APOL5: variants seen among roughly 807,000 people sequenced by gnomAD.
APOL5 encodes the protein apolipoprotein L, 5.
In APOL5, 29 loss-of-function variants were observed where a neutral mutation model predicts 35.5. The observed-to-expected ratio is 0.82, with a 90% confidence interval of 0.61 to 1.11. The LOEUF (loss-of-function observed/expected upper bound fraction) is 1.11. Ranked by LOEUF, APOL5 falls within the 50% of genes most tolerant of loss-of-function variation. The pLI is 0.00. For synonymous variants in APOL5, 188 were observed against 200.2 expected (o/e 0.94, Z 0.51); for missense variants, 514 against 530.4 (o/e 0.97, Z 0.30).
upstream of APOL5, among the ~76,000 whole-genome samples, chr22:35,714,363 T>C (rs1926678571): frequency 6.6e-6 from 1 of 152,160 alleles, no homozygotes; most frequent in Admixed American, 6.5e-5. Context: ...GCCCTGCAAC[T>C]CTTAATGGGT....
chr22:35,710,111 C>CTTTTTTTTTTTTTTTTTTTTTTTTTT, the APOL5 span, among the ~76,000 whole-genome samples: 1 of 119,202 alleles, frequency 8.4e-6, no homozygotes, highest in South Asian at 2.5e-4. Flanking sequence ...TTCTTTCTTT[C>CTTTTTTTTTTTTTTTTTTTTTTTTTT]TCTTTTTTTT....
chr22:35,727,468 C>T (rs779477342), intron 3 of APOL5, among the ~76,000 whole-genome samples: 10 of 152,218 alleles, frequency 6.6e-5, no homozygotes. Context: ...CTGTCTGCCT[C>T]TCCTGTGGTC....
intron 3 of APOL5, 37 bp from the exon 4 acceptor site, chr22:35,728,686 T>C (rs1279553797): frequency 1.3e-6 from 2 of 1,594,596 alleles, no homozygotes; most frequent in Admixed American, 3.6e-5. Flanking sequence ...GATCTCTTTC[T>C]TGGAAGTTGT....
intron 2 of APOL5, among the ~76,000 whole-genome samples, 175 bp downstream of exon 2, chr22:35,720,829 T>C (rs1926947973): frequency 6.6e-6 from 1 of 152,200 alleles, no homozygotes; most frequent in South Asian, 2.1e-4. Flanking sequence ...CACTGCAACC[T>C]CTGCCTCCCA....
upstream of APOL5, among the ~76,000 whole-genome samples, chr22:35,717,489 C>A: frequency 6.7e-6 from 1 of 150,128 alleles, no homozygotes; most frequent in African/African-American, 2.4e-5. Flanking sequence ...CCTGTAATCC[C>A]AGCATTTTGA....
At chr22:35,719,959 C>T (rs1450709759) in intron 1 of APOL5, among the ~76,000 whole-genome samples, 1 of 152,204 alleles carries the variant, frequency 6.6e-6, no homozygotes, top group East Asian at 1.9e-4. Flanking sequence ...TGGATTTGGG[C>T]CACTCAGCGG....
At position 35,726,410 on chromosome 22, in the gene APOL5, A is replaced by G. The variant is rs1927156915; in HGVS notation, c.342A>G (p.Glu114=). ...TTCCTTTGCACAAGTTTGAGCTAGA[A>G]CAGAACATCAAAGAACTTAACACCC... is the stretch of plus-strand genomic sequence containing the variant. The part of the protein sequence containing the change: ...SYFPLHKFEL[E]QNIKELNTLA... The change falls in exon 3 of 5, where the codon GAA becomes GAG. Residue 114 remains glutamate, a synonymous_variant. Coordinates refer to ENST00000249044, the MANE Select transcript of APOL5 (RefSeq NM_030642.1). 1 of 1,614,180 alleles carries G rather than the reference A, an allele frequency of 6.2e-7. No homozygotes were observed. Among genetic ancestry groups the G allele is most frequent in the Non-Finnish European group, 8.5e-7 (1 of 1,180,048 alleles).
chr22:35,717,235 A>AAAAAAAATATATATAT, upstream of APOL5, among the ~76,000 whole-genome samples: 28 of 57,658 alleles, frequency 4.9e-4, no homozygotes, highest in African/African-American at 2.1e-3. Context: ...AAAAAAAAAA[A>AAAAAAAATATATATAT]ATATATATAT....
At chr22:35,714,787 A>G (rs1331901878), upstream of APOL5, among the ~76,000 whole-genome samples, 1 of 152,164 alleles carries the variant, frequency 6.6e-6, no homozygotes, top group African/African-American at 2.4e-5. Flanking sequence ...GGCAGGAGAG[A>G]GGAGCAAGCT....
In APOL5 at chr22:35,720,594, T is replaced by A. The variant is rs1411076424; in HGVS notation, c.82T>A (p.Trp28Arg). Residue 28 changes from tryptophan (W) to arginine (R), a missense_variant, in exon 2 of 5, where the codon TGG becomes AGG. Around this residue, in one of 3 missense-constraint regions of APOL5, gnomAD observed 254 missense variants for 254.7 expected, o/e 1.00. Coordinates refer to ENST00000249044, the MANE Select transcript of APOL5 (RefSeq NM_030642.1). Reference protein sequence around the residue: ...PGLGEGCKEMWLRKVIYGGEV... With the variant: ...PGLGEGCKEMRLRKVIYGGEV... ...CTTGGGAGAAGGTTGTAAAGAAATG[T>A]GGCTTCGAAAGGTAATCTACGGAGG... The A allele has an allele frequency of 6.2e-7, 1 of 1,614,032 alleles. No homozygotes were observed. Among genetic ancestry groups the A allele is most frequent in the African/African-American group, 1.3e-5 (1 of 74,926 alleles).
At chr22:35,715,267 A>G (rs572360177), upstream of APOL5, among the ~76,000 whole-genome samples, 140 of 152,220 alleles carry the variant, frequency 9.2e-4, 2 homozygotes, top group Non-Finnish European at 1.3e-3. Flanking sequence ...CTCCTCCCCA[A>G]AATAAAGTCT....
chr22:35,728,344 C>A (rs906593775), intron 3 of APOL5, among the ~76,000 whole-genome samples: 6 of 152,194 alleles, frequency 3.9e-5, no homozygotes. Context: ...CTGCCTCAAT[C>A]CCCCGAGTAG....
At chr22:35,727,219 A>G in intron 3 of APOL5, 25 bp downstream of exon 3, 1 of 1,577,814 alleles carries the variant, frequency 6.3e-7, no homozygotes. Flanking sequence ...AATAACACGG[A>G]CGTGGTCTTG....
the APOL5 span, among the ~76,000 whole-genome samples, chr22:35,712,417 A>G: frequency 6.6e-6 from 1 of 151,966 alleles, no homozygotes; most frequent in African/African-American, 2.4e-5. Context: ...GAGTCTCACT[A>G]TTGTTGCCCA....
At position 35,729,068 on chromosome 22, in the gene APOL5, C is replaced by G. The variant is rs114129965; in HGVS notation, c.*6+164C>G. 8.2e-3 allele frequency among the ~76,000 whole-genome samples: 1,255 copies of G among 152,314 alleles called. 21 individuals are homozygous for G. Among genetic ancestry groups the G allele is most frequent in the African/African-American group, 0.029 (1,197 of 41,564 alleles). ...CCTGCCACGCCACCTGGTGCCTTTGCCAGTCAGTGAGATCACTGAGCTCTC... is the reference window on the plus strand; with the variant it reads ...CCTGCCACGCCACCTGGTGCCTTTGGCAGTCAGTGAGATCACTGAGCTCTC... On this transcript the variant is annotated intron_variant, in intron 4 of 4. Coordinates refer to ENST00000249044, the MANE Select transcript of APOL5 (RefSeq NM_030642.1).
At chr22:35,720,715 C>G in intron 2 of APOL5, 61 bp downstream of exon 2, 1 of 1,190,080 alleles carries the variant, frequency 8.4e-7, no homozygotes, top group Non-Finnish European at 1.2e-6. Flanking sequence ...AAAACAGTGT[C>G]TGTCACAGAC....
chr22:35,723,913 C>T (rs912697356), intron 2 of APOL5, among the ~76,000 whole-genome samples: 3 of 152,128 alleles, frequency 2.0e-5, no homozygotes, highest in Non-Finnish European at 4.4e-5. Flanking sequence ...GCCGAGATCG[C>T]GCCACTGCAC....
In APOL5 at chr22:35,727,208, G is replaced by A; in HGVS notation, c.1126+14G>A. The A allele has an allele frequency of 1.3e-6, 2 of 1,587,040 alleles. No homozygotes were observed. The highest frequency in any genetic ancestry group is 1.1e-5 in the South Asian group (1 of 89,770). ...TTAAACCAGAAGGTAGGAAGGCAGC[G>A]AATAACACGGACGTGGTCTTGCTCT... is the stretch of plus-strand genomic sequence containing the variant. On this transcript the variant is annotated intron_variant, in intron 3 of 4. Transcript: ENST00000249044.
intron 2 of APOL5, among the ~76,000 whole-genome samples, chr22:35,723,309 T>C (rs1927037526): frequency 6.6e-6 from 1 of 152,148 alleles, no homozygotes; most frequent in Non-Finnish European, 1.5e-5. Flanking sequence ...CTAAGGGATA[T>C]ACAAGTCAAA....
Sources: allele counts gnomAD v4.1 joint callset (sites outside exome capture counted in the v4.1 genomes callset), GRCh38; gene constraint gnomAD v4.1.1; regional missense constraint gnomAD v4.1.1; transcripts MANE v1.5; gene names NCBI Gene and HGNC (gene_info 2026-07-23, HGNC 2026-07-21).